The following ZFHX3 variants were observed in gnomAD, a reference collection of about 807,000 sequenced individuals.
ZFHX3 encodes the protein zinc finger homeobox protein 3.
Under a neutral mutation model 279.1 loss-of-function variants are expected in ZFHX3, and 42 were observed. The ratio of observed to expected loss-of-function variants is 0.15; its 90% CI spans 0.12 to 0.19. The LOEUF (loss-of-function observed/expected upper bound fraction) is 0.19. Ranked by LOEUF, ZFHX3 falls within the 10% of genes least tolerant of loss-of-function variation. ZFHX3 has a pLI of 1.00. For synonymous variants in ZFHX3, 2,293 were observed against 1,957.8 expected (o/e 1.17, Z -4.52); for missense variants, 4,981 against 4,754.0 (o/e 1.05, Z -1.40).
intron 2 of ZFHX3, among the ~76,000 whole-genome samples, chr16:73,629,500 G>T (rs1429423885): frequency 6.6e-6 from 1 of 152,070 alleles, no homozygotes; most frequent in Non-Finnish European, 1.5e-5. Flanking sequence ...TGTGAATAAA[G>T]GCCAAGGTCT....
At chr16:73,462,635 T>A (rs2018492667) in intron 2 of ZFHX3, among the ~76,000 whole-genome samples, 1 of 152,226 alleles carries the variant, frequency 6.6e-6, no homozygotes, top group Non-Finnish European at 1.5e-5. Context: ...TTCAATTTTG[T>A]CAAATACTTT....
intron 2 of ZFHX3, among the ~76,000 whole-genome samples, chr16:73,514,174 G>A (rs538232257): frequency 1.3e-5 from 2 of 152,094 alleles, no homozygotes. Flanking sequence ...CTTGAGCCCA[G>A]GAGGCAGAGG....
At chr16:73,153,682 G>A (rs185373260) in intron 5 of ZFHX3, among the ~76,000 whole-genome samples, 9 of 151,994 alleles carry the variant, frequency 5.9e-5, no homozygotes, top group Middle Eastern at 3.4e-3. Context: ...ATGGGGTCTA[G>A]TCCTGTCGCC....
chr16:73,714,019 C>A (rs192566967), intron 1 of ZFHX3, among the ~76,000 whole-genome samples: 2 of 152,134 alleles, frequency 1.3e-5, no homozygotes, highest in East Asian at 3.9e-4. Context: ...GATGTATGAT[C>A]CCTTCCTCAC....
At chr16:73,308,702 C>A (rs542084595) in intron 4 of ZFHX3, among the ~76,000 whole-genome samples, 1 of 151,990 alleles carries the variant, frequency 6.6e-6, no homozygotes, top group Non-Finnish European at 1.5e-5. Flanking sequence ...ATGCATTTAT[C>A]GTCAACAATT....
chr16:73,114,115 G>C (rs904134134), intron 7 of ZFHX3, among the ~76,000 whole-genome samples: 48 of 151,520 alleles, frequency 3.2e-4, no homozygotes, highest in Admixed American at 3.2e-3. Flanking sequence ...TAAGAGATGG[G>C]GGTCTCACTC....
chr16:73,560,568 G>C (rs562676987), intron 2 of ZFHX3, among the ~76,000 whole-genome samples: 1 of 152,188 alleles, frequency 6.6e-6, no homozygotes, highest in Non-Finnish European at 1.5e-5. Flanking sequence ...ATTGCTAGGC[G>C]GGTTTGGGTG....
intron 5 of ZFHX3, among the ~76,000 whole-genome samples, chr16:73,227,210 GGAGA>G (rs1419758887): frequency 6.6e-6 from 1 of 152,186 alleles, no homozygotes; most frequent in Non-Finnish European, 1.5e-5. Flanking sequence ...AGAGAGAAAA[GGAGA>G]GAGAAAGTTT....
At chr16:73,421,616 C>G (rs145446679) in intron 3 of ZFHX3, among the ~76,000 whole-genome samples, 1 of 152,074 alleles carries the variant, frequency 6.6e-6, no homozygotes, top group Non-Finnish European at 1.5e-5. Context: ...AAAAAAAAGA[C>G]AAGAAATTCT....
chr16:72,984,167 C>T (rs766035265), intron 1 of ZFHX3, among the ~76,000 whole-genome samples: 2 of 152,204 alleles, frequency 1.3e-5, no homozygotes, highest in Non-Finnish European at 2.9e-5. Flanking sequence ...ACTCCTGGCT[C>T]CTCTCAGGCA....
At position 72,950,860 on chromosome 16, in the gene ZFHX3, A is replaced by G. The variant is rs1786072922; in HGVS notation, c.2825T>C (p.Leu942Pro). ...GCAGACGGCGCACTGGAAGAGCTTC[A>G]GCGACGGGTCGTTGGTCTGGATGAA... ...ESFIQTNDPSLKLFQCAVCNK... is the reference protein window; with the variant it reads ...ESFIQTNDPSPKLFQCAVCNK... Residue 942 changes from leucine to proline, a missense_variant, in exon 3 of 10, where the codon CTG (leucine) becomes CCG (proline). Around this residue, in one of 7 missense-constraint regions of ZFHX3, gnomAD observed 1,751 missense variants for 1,770.0 expected, o/e 0.99. Coordinates refer to ENST00000268489, the MANE Select transcript of ZFHX3 (RefSeq NM_006885.4). 1 of 1,614,098 alleles carries G rather than the reference A, an allele frequency of 6.2e-7. No individual in the cohort carries two copies. The highest frequency in any genetic ancestry group is 1.7e-5 in the Admixed American group (1 of 60,030).
intron 4 of ZFHX3, among the ~76,000 whole-genome samples, chr16:72,861,202 T>A (rs570175277): frequency 4.0e-4 from 61 of 152,366 alleles, no homozygotes; most frequent in African/African-American, 1.5e-3. Flanking sequence ...TTGTCACACA[T>A]TGCCATATGG....
chr16:73,700,987 C>T (rs1391030277), intron 1 of ZFHX3, among the ~76,000 whole-genome samples: 2 of 152,112 alleles, frequency 1.3e-5, no homozygotes, highest in African/African-American at 4.8e-5. Context: ...GCAAAGGACT[C>T]TGTTCTTTTA....
chr16:73,587,612 T>G (rs1395933103), intron 2 of ZFHX3, among the ~76,000 whole-genome samples: 1 of 152,236 alleles, frequency 6.6e-6, no homozygotes, highest in Non-Finnish European at 1.5e-5. Context: ...CTACGACATG[T>G]GTCTAACATT....
chr16:73,188,220 G>T (rs551065810), intron 5 of ZFHX3, among the ~76,000 whole-genome samples: 5 of 147,834 alleles, frequency 3.4e-5, no homozygotes, highest in African/African-American at 1.3e-4. Flanking sequence ...TAAGAGACAG[G>T]GTCTGGCTCT....
chr16:72,984,036 G>C (rs2144550135), intron 1 of ZFHX3, among the ~76,000 whole-genome samples: 1 of 152,294 alleles, frequency 6.6e-6, no homozygotes, highest in South Asian at 2.1e-4. Context: ...TAAATCCCAT[G>C]GGTGGGAATC....
chr16:72,921,069 CAAAAAAAAAAAAA>C (rs57294537), intron 3 of ZFHX3, among the ~76,000 whole-genome samples: 6 of 23,584 alleles, frequency 2.5e-4, no homozygotes, highest in Non-Finnish European at 4.0e-4. Context: ...CAGACCTTGT[CAAAAAAAAAAAAA>C]AAAAAAAAAA....
rs145856867 is a variant in ZFHX3 at position 73,268,009 on chromosome 16, T to C, written c.-1193-10873A>G. 4.4e-4 allele frequency among the ~76,000 whole-genome samples: 67 copies of C among 152,354 alleles called. 2 individuals carry two copies. The highest frequency in any genetic ancestry group is 1.5e-3 in the African/African-American group (63 of 41,592). ...GTGCTATTATTAACCTCCATCGTTA[T>C]ACTTGGAAGATTTCAGAAGATTTGA... is the stretch of plus-strand genomic sequence containing the variant. On this transcript the variant is annotated intron_variant, in intron 4 of 17. Transcript: ENST00000641206.
At chr16:73,053,004 T>C (rs1366359750), upstream of ZFHX3, among the ~76,000 whole-genome samples, 1 of 152,228 alleles carries the variant, frequency 6.6e-6, no homozygotes, top group Non-Finnish European at 1.5e-5. Flanking sequence ...CCCGTCTTAC[T>C]TGGAAAGCGG....
Sources: gnomAD v4.1 joint callset for allele counts (sites outside exome capture counted in the v4.1 genomes callset) on GRCh38, gnomAD v4.1.1 for gene constraint, gnomAD v4.1.1 regional missense constraint, MANE v1.5 for transcripts, NCBI Gene and HGNC (gene_info 2026-07-23, HGNC 2026-07-21) for gene names.